The following MEIS2 variants were observed in gnomAD, a reference collection of about 807,000 sequenced individuals.
MEIS2 encodes the protein homeobox protein Meis2.
A neutral mutation model predicts 58.6 loss-of-function variants in MEIS2; 9 were observed. The observed-to-expected ratio is 0.15, with a 90% CI of 0.09 to 0.27. MEIS2 has a LOEUF of 0.27. MEIS2 is among the 10% of genes least tolerant of loss of function. The pLI is 1.00. For missense variants in MEIS2, 427 were observed against 635.0 expected, an observed-to-expected ratio of 0.67 and a Z score of 3.52; for synonymous variants, 221 against 228.4, an observed-to-expected ratio of 0.97 and a Z score of 0.29.
chr15:37,037,425 C>G (rs2062203630), intron 7 of MEIS2, among the ~76,000 whole-genome samples: 1 of 152,180 alleles, frequency 6.6e-6, no homozygotes, highest in South Asian at 2.1e-4. Context: ...CTCAGCCCCT[C>G]CTAGAGCTGT....
intron 9 of MEIS2, among the ~76,000 whole-genome samples, chr15:36,923,074 C>T (rs187995697): frequency 6.6e-6 from 1 of 152,268 alleles, no homozygotes; most frequent in African/African-American, 2.4e-5. Flanking sequence ...TTGTCAATCT[C>T]CTTAGCAATA....
At chr15:37,034,862 G>A (rs954974107) in intron 8 of MEIS2, among the ~76,000 whole-genome samples, 3 of 152,134 alleles carry the variant, frequency 2.0e-5, no homozygotes, top group African/African-American at 7.2e-5. Flanking sequence ...AAATCACAGA[G>A]TTGGGGACTT....
At chr15:37,060,106 T>G (rs1218212093) in intron 7 of MEIS2, among the ~76,000 whole-genome samples, 5 of 151,920 alleles carry the variant, frequency 3.3e-5, no homozygotes, top group Non-Finnish European at 5.9e-5. Flanking sequence ...GCCTGACTAA[T>G]TTTTTAAATA....
intron 8 of MEIS2, among the ~76,000 whole-genome samples, chr15:36,968,622 A>C (rs1399034994): frequency 6.6e-6 from 1 of 152,228 alleles, no homozygotes; most frequent in Non-Finnish European, 1.5e-5. Flanking sequence ...AGAATTCACA[A>C]AATCCTTGAT....
intron 7 of MEIS2, chr15:37,066,215 T>C (rs910043027): frequency 1.3e-5 from 2 of 152,160 alleles, no homozygotes; most frequent in African/African-American, 4.8e-5. Context: ...AGCAAGAGGC[T>C]TATGATGGCT....
At chr15:36,952,939 A>G (rs1295294456) in intron 8 of MEIS2, among the ~76,000 whole-genome samples, 1 of 151,948 alleles carries the variant, frequency 6.6e-6, no homozygotes, top group Non-Finnish European at 1.5e-5. Flanking sequence ...AAAAATTGGT[A>G]CCTTACCAAA....
At chr15:36,973,036 G>A (rs1232553248) in intron 8 of MEIS2, 1 of 152,174 alleles carries the variant, frequency 6.6e-6, no homozygotes, top group Non-Finnish European at 1.5e-5. Flanking sequence ...CAACACAGCT[G>A]TGGAAGAAAG....
intron 8 of MEIS2, among the ~76,000 whole-genome samples, chr15:36,963,376 T>C (rs964804240): frequency 3.4e-5 from 4 of 118,012 alleles, no homozygotes; most frequent in African/African-American, 1.3e-4. Flanking sequence ...CGAGACTCCA[T>C]CTCAAAAAAA....
chr15:37,099,006 C>G, intron 1 of MEIS2: 2 of 983,408 alleles, frequency 2.0e-6, no homozygotes, highest in South Asian at 4.5e-5. Flanking sequence ...GCTGCGGCAG[C>G]GCGGCCCCAG....
At chr15:36,950,434 C>A in intron 8 of MEIS2, 34 bp from the exon 9 acceptor site, 1 of 1,590,558 alleles carries the variant, frequency 6.3e-7, no homozygotes, top group South Asian at 1.1e-5. Flanking sequence ...AAAGATGGAT[C>A]AGAAGTTAAG....
intron 8 of MEIS2, among the ~76,000 whole-genome samples, chr15:36,970,491 T>C (rs1464605): frequency 0.03 from 4,602 of 152,070 alleles, 232 homozygotes; most frequent in African/African-American, 0.1. Flanking sequence ...GCGCCAATAT[T>C]TGAAAAATCT....
chr15:37,099,808 AAAAAAGAAAGAAAAG>A lies in MEIS2; in HGVS notation c.-357_-343del, dbSNP rs1361828514. On this transcript the variant is annotated 5_prime_UTR_variant, in exon 1 of 12. Coordinates refer to ENST00000561208, the MANE Select transcript of MEIS2 (RefSeq NM_170675.5). ...CTCTTCTCTTCCCCTCAGTTGGAAA[AAAAAAGAAAGAAAAG>A]AAAAAGAAGAAAAAGAAGAAAAAAA... 65 of 273,330 alleles carry A rather than the reference AAAAAAGAAAGAAAAG, an allele frequency of 2.4e-4. No individual in the cohort carries two copies. Among genetic ancestry groups the A allele is most frequent in the Admixed American group, 5.8e-4 (11 of 19,106 alleles). 16.9% of individuals were successfully genotyped at this position (273,330 alleles called of 1,614,324 possible).
chr15:37,023,165 C>T (rs1285256651), intron 8 of MEIS2, among the ~76,000 whole-genome samples: 1 of 152,094 alleles, frequency 6.6e-6, no homozygotes, highest in Non-Finnish European at 1.5e-5. Context: ...TTTGCTTTTA[C>T]TCTCAAAACA....
chr15:37,064,888 C>T (rs188960701), intron 7 of MEIS2, among the ~76,000 whole-genome samples: 199 of 152,298 alleles, frequency 1.3e-3, no homozygotes, highest in Non-Finnish European at 1.8e-3. Context: ...TGTCTGGTAT[C>T]ATTTCTTAGG....
Position 36,890,061 on chromosome 15 carries a change from T to C in MEIS2, c.*2112A>G, listed in dbSNP as rs1310626188. 1.3e-5 allele frequency: 2 copies of C among 152,312 alleles called. No homozygotes were observed. Among genetic ancestry groups the C allele is most frequent in the East Asian group, 3.9e-4 (2 of 5,188 alleles). The allele number at this position is 152,312 out of a possible 1,614,324, so 9.4% of individuals were successfully genotyped here. A position where few individuals can be genotyped will look rare whatever the true frequency, so the allele number is the denominator to read the frequency against. On this transcript the variant is annotated 3_prime_UTR_variant, in exon 12 of 12. Transcript: ENST00000561208. ...GAACCTCCATAAATGCTGTCTGAAA[T>C]GGAAAGATGGAAGAGCCCCAAATAA... is the stretch of plus-strand genomic sequence containing the variant.
intron 9 of MEIS2, among the ~76,000 whole-genome samples, chr15:36,919,515 T>C (rs1004411294): frequency 2.6e-5 from 4 of 151,214 alleles, no homozygotes; most frequent in African/African-American, 7.3e-5. Flanking sequence ...GAGGCAGAAG[T>C]TGTGGGAGTC....
intron 8 of MEIS2, among the ~76,000 whole-genome samples, chr15:37,007,208 C>T (rs1425262819): frequency 1.3e-5 from 2 of 152,094 alleles, no homozygotes; most frequent in Non-Finnish European, 2.9e-5. Context: ...AAGACTTTTG[C>T]TAGAGGCTTC....
chr15:36,899,365 C>A (rs999491342), intron 9 of MEIS2, among the ~76,000 whole-genome samples: 5 of 152,108 alleles, frequency 3.3e-5, no homozygotes, highest in Non-Finnish European at 7.4e-5. Flanking sequence ...GAAATTACCG[C>A]CTCCTACCAG....
chr15:37,039,874 A>G (rs2062343046), intron 7 of MEIS2, among the ~76,000 whole-genome samples: 1 of 152,218 alleles, frequency 6.6e-6, no homozygotes, highest in Non-Finnish European at 1.5e-5. Flanking sequence ...TTCCTCTCCC[A>G]AACACAACAA....
Sources: allele counts gnomAD v4.1 joint callset (sites outside exome capture counted in the v4.1 genomes callset), GRCh38; gene constraint gnomAD v4.1.1; transcripts MANE v1.5; gene names NCBI Gene and HGNC (gene_info 2026-07-23, HGNC 2026-07-21).